AGBL1: variants seen among roughly 807,000 people sequenced by gnomAD.
The protein encoded by AGBL1 is cytosolic carboxypeptidase 4.
Under a neutral mutation model 118.9 loss-of-function variants are expected in AGBL1, and 130 were observed. That is an observed-to-expected ratio of 1.09 (90% confidence interval 0.95 to 1.26). The LOEUF is 1.26. Among genes scored for constraint, AGBL1 ranks in the 50% most tolerant of loss-of-function variants. The pLI is 0.00. For synonymous variants in AGBL1, 555 were observed against 478.9 expected (o/e 1.16, Z -2.08); for missense variants, 1,584 against 1,298.1 (o/e 1.22, Z -3.38).
chr15:86,647,176 T>A (rs1009387273), intron 21 of AGBL1, among the ~76,000 whole-genome samples: 2 of 152,206 alleles, frequency 1.3e-5, no homozygotes, highest in Non-Finnish European at 2.9e-5. Flanking sequence ...TTAAAAATCT[T>A]AATTTTAATA....
intron 22 of AGBL1, among the ~76,000 whole-genome samples, chr15:86,886,558 C>G (rs2079973754): frequency 6.6e-6 from 1 of 152,098 alleles, no homozygotes; most frequent in South Asian, 2.1e-4. Flanking sequence ...AGGATAAGAA[C>G]CATAAGGATT....
intron 21 of AGBL1, among the ~76,000 whole-genome samples, chr15:86,585,847 A>G (rs2084239639): frequency 6.6e-6 from 1 of 152,230 alleles, no homozygotes; most frequent in Non-Finnish European, 1.5e-5. Context: ...AGTAGATTGA[A>G]AGGAATAATT....
intron 1 of AGBL1, among the ~76,000 whole-genome samples, chr15:86,085,463 C>T (rs920227888): frequency 2.0e-5 from 3 of 152,146 alleles, no homozygotes; most frequent in African/African-American, 7.2e-5. Context: ...CCTATTCCTG[C>T]GTGTGAGTGG....
At chr15:86,795,752 T>A (rs1596488340) in intron 22 of AGBL1, among the ~76,000 whole-genome samples, 1 of 151,382 alleles carries the variant, frequency 6.6e-6, no homozygotes, top group Non-Finnish European at 1.5e-5. Flanking sequence ...ACCCAGCTAA[T>A]TTTTTGTATT....
At chr15:86,400,845 A>T (rs2081434621) in intron 18 of AGBL1, among the ~76,000 whole-genome samples, 1 of 151,920 alleles carries the variant, frequency 6.6e-6, no homozygotes, top group Non-Finnish European at 1.5e-5. Context: ...TATATCTCAC[A>T]TTTTCTTTAT....
chr15:86,546,146 G>A lies in AGBL1; in HGVS notation c.2817+13G>A, dbSNP rs1402221734. ...GGTCAACTACAGGGTAAGCCGCTGT[G>A]GGGAATGACATCAGACATGCTGTGT... On this transcript the variant is annotated intron_variant, in intron 20 of 22. Coordinates refer to ENST00000614907, the MANE Select transcript of AGBL1 (RefSeq NM_001386094.1). The A allele has an allele frequency of 6.2e-7, 1 of 1,607,278 alleles. No individual in the cohort carries two copies. The highest frequency in any genetic ancestry group is 2.2e-5 in the East Asian group (1 of 44,738).
intron 21 of AGBL1, among the ~76,000 whole-genome samples, chr15:86,644,549 A>G (rs1017604767): frequency 6.6e-6 from 1 of 151,544 alleles, no homozygotes; most frequent in Non-Finnish European, 1.5e-5. Context: ...TGTTTTTGTA[A>G]TGTCTCATGT....
At chr15:86,620,417 T>A (rs1481392314) in intron 21 of AGBL1, among the ~76,000 whole-genome samples, 1 of 152,218 alleles carries the variant, frequency 6.6e-6, no homozygotes, top group Non-Finnish European at 1.5e-5. Context: ...ACTTTGTGAA[T>A]GATCCTTTGT....
chr15:86,649,036 G>A (rs1384970147), intron 21 of AGBL1, among the ~76,000 whole-genome samples: 1 of 152,128 alleles, frequency 6.6e-6, no homozygotes, highest in Non-Finnish European at 1.5e-5. Context: ...ATGATACCAT[G>A]TTTGAATGCT....
intron 22 of AGBL1, among the ~76,000 whole-genome samples, chr15:86,786,435 A>G (rs1355181825): frequency 2.6e-5 from 4 of 152,192 alleles, no homozygotes; most frequent in Non-Finnish European, 5.9e-5. Flanking sequence ...GATATTGGGT[A>G]CAATTAATTT....
chr15:86,309,540 G>A (rs776399378), intron 17 of AGBL1, among the ~76,000 whole-genome samples: 2 of 152,134 alleles, frequency 1.3e-5, no homozygotes, highest in Non-Finnish European at 2.9e-5. Flanking sequence ...TTAGCTGTGG[G>A]CTTGTCATAT....
chr15:86,843,073 T>C (rs1480711926), intron 22 of AGBL1, among the ~76,000 whole-genome samples: 1 of 152,190 alleles, frequency 6.6e-6, no homozygotes, highest in Non-Finnish European at 1.5e-5. Flanking sequence ...CCAAGCACTT[T>C]GAGTGAGTGG....
At chr15:86,688,214 G>C (rs1050926805) in intron 22 of AGBL1, among the ~76,000 whole-genome samples, 1 of 152,064 alleles carries the variant, frequency 6.6e-6, no homozygotes, top group African/African-American at 2.4e-5. Flanking sequence ...TCTGACCCTT[G>C]GATGCTGCTT....
intron 22 of AGBL1, among the ~76,000 whole-genome samples, chr15:86,781,116 T>G (rs1396292654): frequency 6.6e-6 from 1 of 152,224 alleles, no homozygotes; most frequent in East Asian, 1.9e-4. Flanking sequence ...AATTCTGTAT[T>G]ATGTTCATTT....
intron 1 of AGBL1, among the ~76,000 whole-genome samples, chr15:86,132,133 A>G (rs1286360365): frequency 6.6e-6 from 1 of 152,142 alleles, no homozygotes; most frequent in African/African-American, 2.4e-5. Context: ...AGACAACAGG[A>G]GTCCCTGAAA....
At chr15:86,791,129 G>C (rs16977988) in intron 22 of AGBL1, among the ~76,000 whole-genome samples, 2 of 152,112 alleles carry the variant, frequency 1.3e-5, no homozygotes, top group East Asian at 3.9e-4. Context: ...ACACACGAAC[G>C]TAAAATGATT....
intron 1 of AGBL1, among the ~76,000 whole-genome samples, chr15:86,125,200 T>G (rs1241612258): frequency 6.6e-6 from 1 of 152,034 alleles, no homozygotes; most frequent in Non-Finnish European, 1.5e-5. Context: ...ATCAATAAGG[T>G]TTTTGAAAGA....
chr15:86,611,585 G>A (rs2084655033), intron 21 of AGBL1, among the ~76,000 whole-genome samples: 1 of 152,110 alleles, frequency 6.6e-6, no homozygotes, highest in African/African-American at 2.4e-5. Flanking sequence ...AAGGTGAATT[G>A]CATCCTGTTG....
At chr15:86,095,648 T>A (rs1304730096) in intron 1 of AGBL1, among the ~76,000 whole-genome samples, 1 of 2,872 alleles carries the variant, frequency 3.5e-4, no homozygotes. Flanking sequence ...CTTGGATACC[T>A]TTTTTTTTTT....
Sources: allele counts gnomAD v4.1 joint callset (sites outside exome capture counted in the v4.1 genomes callset), GRCh38; gene constraint gnomAD v4.1.1; transcripts MANE v1.5; gene names NCBI Gene and HGNC (gene_info 2026-07-23, HGNC 2026-07-21).